Variants in CRACD observed in about 807,000 individuals in gnomAD.
CRACD encodes capping protein-inhibiting regulator of actin dynamics.
A neutral mutation model predicts 106.8 loss-of-function variants in CRACD; 56 were observed. The observed-to-expected ratio is 0.52, with a 90% CI of 0.42 to 0.66. The LOEUF (loss-of-function observed/expected upper bound fraction) is 0.66. Among genes scored for constraint, CRACD ranks in the 30% least tolerant of loss-of-function variants. The probability of loss-of-function intolerance (pLI) is 0.00; values close to 1 mark genes in which losing one functional copy is unlikely to be tolerated. For missense variants in CRACD, 1,730 were observed against 1,623.2 expected (o/e 1.07, Z -1.13); for synonymous variants, 754 against 670.8 (o/e 1.12, Z -1.92).
chr4:56,119,392 G>A (rs912878844), intron 1 of CRACD, among the ~76,000 whole-genome samples: 2 of 151,076 alleles, frequency 1.3e-5, no homozygotes, highest in Non-Finnish European at 2.9e-5. Flanking sequence ...GTGCAGTGGC[G>A]CCATCATGGC....
In CRACD at chr4:56,227,785, A is replaced by G. The variant is rs77196249; in HGVS notation, c.-188-44536A>G. On this transcript the variant is annotated intron_variant, in intron 2 of 10. Transcript: ENST00000682029. ...TTTGAAATGAGTGCTCTTTCTCATG[A>G]TCAGCAACAAGTGTGTTATATCTGG... Among the ~76,000 whole-genome samples the G allele has an allele frequency of 6.5e-4, 99 of 152,332 alleles. 1 individual carries two copies. The East Asian group carries it at 0.017, about 26-fold the overall frequency.
intron 8 of CRACD, among the ~76,000 whole-genome samples, chr4:56,317,097 T>C (rs1394282695): frequency 2.6e-5 from 4 of 152,210 alleles, no homozygotes; most frequent in Non-Finnish European, 5.9e-5. Context: ...TGGAACCAGA[T>C]GCCTATGTTA....
intron 3 of CRACD, among the ~76,000 whole-genome samples, chr4:56,284,827 T>A (rs1743245204): frequency 6.6e-6 from 1 of 152,188 alleles, no homozygotes; most frequent in Non-Finnish European, 1.5e-5. Context: ...ACAGTAACCG[T>A]AAGGTCAAAC....
At chr4:56,085,599 A>G (rs1368735161) in intron 1 of CRACD, among the ~76,000 whole-genome samples, 1 of 152,216 alleles carries the variant, frequency 6.6e-6, no homozygotes, top group Non-Finnish European at 1.5e-5. Context: ...CAGGTTACAT[A>G]CGGTCTCTGT....
chr4:56,176,880 A>G (rs28759499), intron 1 of CRACD, among the ~76,000 whole-genome samples: 46,169 of 152,098 alleles, frequency 0.3, 7,005 homozygotes, highest in African/African-American at 0.33. Flanking sequence ...CTGTTGGCAT[A>G]TAGAAATACT....
intron 3 of CRACD, among the ~76,000 whole-genome samples, chr4:56,287,598 A>G (rs1411425377): frequency 6.6e-6 from 1 of 151,898 alleles, no homozygotes; most frequent in Non-Finnish European, 1.5e-5. Context: ...CTAATTTTTT[A>G]TTATTTTTTG....
At chr4:56,104,895 A>G (rs1189028105) in intron 1 of CRACD, among the ~76,000 whole-genome samples, 1 of 148,298 alleles carries the variant, frequency 6.7e-6, no homozygotes, top group Non-Finnish European at 1.5e-5. Flanking sequence ...TGAACCTGGG[A>G]GGCGGAACTT....
At chr4:56,078,913 T>TACAC (rs1732931428) in intron 1 of CRACD, among the ~76,000 whole-genome samples, 1 of 152,184 alleles carries the variant, frequency 6.6e-6, no homozygotes, top group East Asian at 1.9e-4. Context: ...CCAAGAAGGC[T>TACAC]ACACAAAAGG....
At chr4:56,084,048 G>A (rs1733132468) in intron 1 of CRACD, among the ~76,000 whole-genome samples, 1 of 152,206 alleles carries the variant, frequency 6.6e-6, no homozygotes, top group Non-Finnish European at 1.5e-5. Flanking sequence ...AGTGAGGTAT[G>A]AGGAGCAAGG....
At chr4:56,199,489 CT>C (rs2109470995) in intron 2 of CRACD, among the ~76,000 whole-genome samples, 1 of 152,086 alleles carries the variant, frequency 6.6e-6, no homozygotes, top group South Asian at 2.1e-4. Flanking sequence ...CAAGACCAGC[CT>C]GACCAACATG....
chr4:56,296,430 T>C (rs1285633930), intron 3 of CRACD, among the ~76,000 whole-genome samples: 1 of 152,122 alleles, frequency 6.6e-6, no homozygotes, highest in Non-Finnish European at 1.5e-5. Context: ...CTTTCATTTG[T>C]AAACCTCGCA....
intron 3 of CRACD, among the ~76,000 whole-genome samples, chr4:56,282,743 G>A (rs1249173264): frequency 3.3e-5 from 5 of 152,172 alleles, no homozygotes; most frequent in Non-Finnish European, 7.3e-5. Context: ...ATAGGCGGAT[G>A]ACAAAGACCA....
chr4:56,120,143 A>G (rs1734436490), intron 1 of CRACD, among the ~76,000 whole-genome samples: 1 of 152,192 alleles, frequency 6.6e-6, no homozygotes, highest in Non-Finnish European at 1.5e-5. Flanking sequence ...TTACATACTT[A>G]ATTCTGACAT....
intron 1 of CRACD, among the ~76,000 whole-genome samples, chr4:56,109,687 A>G (rs982223482): frequency 6.6e-6 from 1 of 152,180 alleles, no homozygotes; most frequent in Non-Finnish European, 1.5e-5. Context: ...GTAAATTTAA[A>G]ATTATTTAAA....
At chr4:56,058,226 C>T (rs558866602) in intron 1 of CRACD, among the ~76,000 whole-genome samples, 175 of 152,264 alleles carry the variant, frequency 1.1e-3, no homozygotes, top group African/African-American at 3.9e-3. Flanking sequence ...TGTGCCACCA[C>T]GCCTGGCTAA....
chr4:56,179,251 A>G (rs2109433759), intron 1 of CRACD, 33 bp from the exon 2 acceptor site: 2 of 150,534 alleles, frequency 1.3e-5, no homozygotes, highest in Middle Eastern at 6.9e-3. Context: ...TTGAAGACAT[A>G]AAGTTCTTAA....
chr4:56,137,376 A>C (rs979702813), intron 1 of CRACD, among the ~76,000 whole-genome samples: 2 of 152,212 alleles, frequency 1.3e-5, no homozygotes, highest in African/African-American at 4.8e-5. Context: ...TATGCGGCTC[A>C]TGAGTATAAA....
At chr4:56,269,036 T>A (rs1351492526) in intron 2 of CRACD, among the ~76,000 whole-genome samples, 1 of 152,258 alleles carries the variant, frequency 6.6e-6, no homozygotes, top group Admixed American at 6.5e-5. Flanking sequence ...ACATGATGTG[T>A]TAGGCCATTC....
At chr4:56,131,734 A>C (rs1157678547) in intron 1 of CRACD, among the ~76,000 whole-genome samples, 1 of 152,184 alleles carries the variant, frequency 6.6e-6, no homozygotes, top group Non-Finnish European at 1.5e-5. Context: ...ATGCAGAAAC[A>C]TAATATGGGC....
Sources: gnomAD v4.1 joint callset for allele counts (sites outside exome capture counted in the v4.1 genomes callset) on GRCh38, gnomAD v4.1.1 for gene constraint, MANE v1.5 for transcripts, NCBI Gene and HGNC (gene_info 2026-07-23, HGNC 2026-07-21) for gene names.